Variants in FYB2 observed in about 807,000 individuals in gnomAD.
The protein encoded by FYB2 is FYN-binding protein 2.
In FYB2, 103 loss-of-function variants were observed where a neutral mutation model predicts 94.1. The observed-to-expected ratio is 1.09, with a 90% confidence interval of 0.93 to 1.29. The LOEUF is 1.29. Ranked by LOEUF, FYB2 falls within the 50% of genes most tolerant of loss-of-function variation. The probability of loss-of-function intolerance (pLI) is 0.00; values close to 1 mark genes in which losing one functional copy is unlikely to be tolerated. For missense variants in FYB2, 896 were observed against 841.5 expected (o/e 1.06, Z -0.80); for synonymous variants, 293 against 287.9 (o/e 1.02, Z -0.18).
intron 15 of FYB2, among the ~76,000 whole-genome samples, chr1:56,730,596 A>T (rs74418337): frequency 0.15 from 22,380 of 152,020 alleles, 2,682 homozygotes; most frequent in African/African-American, 0.32. Flanking sequence ...AGAAAAAATT[A>T]AAAAACTTGA....
chr1:56,823,589 C>T (rs1023598314), upstream of FYB2: 37 of 152,296 alleles, frequency 2.4e-4, no homozygotes, highest in Middle Eastern at 3.4e-3. Context: ...CAATTTTGTG[C>T]TCATCTAAGT....
At chr1:56,741,135 G>A (rs1644943618) in intron 12 of FYB2, among the ~76,000 whole-genome samples, 1 of 151,970 alleles carries the variant, frequency 6.6e-6, no homozygotes, top group Non-Finnish European at 1.5e-5. Flanking sequence ...AAGAACCAGA[G>A]GCTTTGTTTT....
At chr1:56,754,835 A>G (rs758473948) in intron 7 of FYB2, among the ~76,000 whole-genome samples, 3 of 152,122 alleles carry the variant, frequency 2.0e-5, no homozygotes, top group African/African-American at 4.8e-5. Context: ...TAAAAGCTCA[A>G]TAAATGTTGA....
In FYB2 at chr1:56,744,043, G is replaced by A. The variant is rs1645015609; in HGVS notation, c.1526C>T (p.Ser509Leu). The A allele has an allele frequency of 1.9e-6, 3 of 1,612,332 alleles. No individual in the cohort carries two copies. The highest frequency in any genetic ancestry group is 2.7e-5 in the African/African-American group (2 of 74,826). Reference protein sequence around the residue: ...KEVPKLNYSSSLASSSEENRE... With the variant: ...KEVPKLNYSSLLASSSEENRE... ...ATACTTACCACTACTTGAGGCAAGT[G>A]AGCTAGAGTAGTTCAGCTTCGGTCT... The change falls in exon 11 of 20, where the codon TCA becomes TTA. Residue 509 changes from serine to leucine, a missense_variant. Ser to Leu is a moderately radical substitution (Grantham distance 145). Coordinates refer to ENST00000343433, the MANE Select transcript of FYB2 (RefSeq NM_001004303.5).
At chr1:56,742,942 T>C (rs937293743) in intron 11 of FYB2, among the ~76,000 whole-genome samples, 3 of 152,054 alleles carry the variant, frequency 2.0e-5, no homozygotes, top group Non-Finnish European at 4.4e-5. Context: ...CTAAAATTTA[T>C]TTTAAAATTG....
At chr1:56,738,411 G>T (rs1028607169) in intron 14 of FYB2, among the ~76,000 whole-genome samples, 1 of 152,126 alleles carries the variant, frequency 6.6e-6, no homozygotes, top group African/African-American at 2.4e-5. Context: ...GAACACATCT[G>T]CCCCAGGGCA....
chr1:56,784,740 G>T (rs1646092917), intron 4 of FYB2, among the ~76,000 whole-genome samples: 1 of 151,968 alleles, frequency 6.6e-6, no homozygotes, highest in Non-Finnish European at 1.5e-5. Context: ...AAAATCCATT[G>T]GTCTGTCTAT....
chr1:56,775,700 A>G (rs1363720359), intron 4 of FYB2, among the ~76,000 whole-genome samples: 5 of 152,164 alleles, frequency 3.3e-5, no homozygotes, highest in Non-Finnish European at 5.9e-5. Context: ...TACACAGGGG[A>G]TGTACTGGTT....
chr1:56,735,902 A>G (rs1569903263), intron 15 of FYB2, among the ~76,000 whole-genome samples: 1 of 152,136 alleles, frequency 6.6e-6, no homozygotes, highest in Admixed American at 6.6e-5. Context: ...CTACCATAGG[A>G]TGACTATAGT....
At chr1:56,741,558 G>T (rs1380345458) in intron 12 of FYB2, among the ~76,000 whole-genome samples, 2 of 152,000 alleles carry the variant, frequency 1.3e-5, no homozygotes, top group Non-Finnish European at 2.9e-5. Context: ...GTGCCAACCA[G>T]CATGCCCAGT....
At chr1:56,755,242 A>G (rs1178296466) in intron 7 of FYB2, among the ~76,000 whole-genome samples, 6 of 152,118 alleles carry the variant, frequency 3.9e-5, no homozygotes, top group Non-Finnish European at 2.9e-5. Flanking sequence ...AGGAGCTCCC[A>G]GACAGGAAGG....
rs1557616917 is a variant in FYB2 at position 56,757,690 on chromosome 1, CTTT to C, written c.1098+1023_1098+1025del. Among the ~76,000 whole-genome samples the C allele has an allele frequency of 3.1e-3, 166 of 53,846 alleles. 2 individuals are homozygous for C. Among genetic ancestry groups the C allele is most frequent in the African/African-American group, 0.011 (137 of 13,030 alleles). The allele number at this position is 53,846 out of a possible 152,430, so 35.3% of individuals were successfully genotyped here. A position where few individuals can be genotyped will look rare whatever the true frequency, so the allele number is the denominator to read the frequency against. On this transcript the variant is annotated intron_variant, in intron 6 of 19. Coordinates refer to ENST00000343433, the MANE Select transcript of FYB2 (RefSeq NM_001004303.5). ...TTCTTTCCTCTTTCCTTCCTTCCTT[CTTT>C]CTTTCTTTCTTTCTTTCTTTCTTTC...
intron 1 of FYB2, 113 bp downstream of exon 1, chr1:56,819,169 G>T: frequency 7.9e-7 from 1 of 1,271,300 alleles, no homozygotes; most frequent in Non-Finnish European, 1.1e-6. Flanking sequence ...GTTTATTCCT[G>T]CCCAGGAGGC....
chr1:56,825,988 G>A, the FYB2 span, among the ~76,000 whole-genome samples: 1 of 152,212 alleles, frequency 6.6e-6, no homozygotes, highest in African/African-American at 2.4e-5. Context: ...CACCTCTCAA[G>A]TGCAGTGGAC....
chr1:56,748,239 T>C (rs554519996), intron 9 of FYB2, among the ~76,000 whole-genome samples: 32 of 152,262 alleles, frequency 2.1e-4, no homozygotes, highest in African/African-American at 6.0e-4. Flanking sequence ...GTGCAGAAGC[T>C]CTTTAGTTTA....
chr1:56,816,248 A>G (rs978780435), intron 1 of FYB2, among the ~76,000 whole-genome samples: 2 of 152,190 alleles, frequency 1.3e-5, no homozygotes, highest in Non-Finnish European at 2.9e-5. Flanking sequence ...ATTTGGCTGC[A>G]TCTCACCAGT....
At chr1:56,757,625 C>CTTTCT (rs147401612) in intron 6 of FYB2, among the ~76,000 whole-genome samples, 3 of 151,820 alleles carry the variant, frequency 2.0e-5, no homozygotes, top group East Asian at 3.9e-4. Flanking sequence ...TCCTTCTTTT[C>CTTTCT]TTTCTTTTCT....
chr1:56,800,282 G>T (rs1646489697), intron 1 of FYB2, among the ~76,000 whole-genome samples: 1 of 152,066 alleles, frequency 6.6e-6, no homozygotes, highest in African/African-American at 2.4e-5. Context: ...CACCCTTCAT[G>T]ACTAAAAGGG....
chr1:56,772,340 G>A (rs1645777322), intron 4 of FYB2, among the ~76,000 whole-genome samples: 1 of 152,090 alleles, frequency 6.6e-6, no homozygotes, highest in Admixed American at 6.6e-5. Flanking sequence ...AGGATCAATT[G>A]TCTTTGCAGA....
Sources: allele counts gnomAD v4.1 joint callset (sites outside exome capture counted in the v4.1 genomes callset), GRCh38; gene constraint gnomAD v4.1.1; transcripts MANE v1.5; gene names NCBI Gene and HGNC (gene_info 2026-07-23, HGNC 2026-07-21).